Variants in SPMIP7 observed in about 807,000 individuals in gnomAD.
SPMIP7 encodes the protein protein SPMIP7.
the SPMIP7 span, among the ~76,000 whole-genome samples, chr7:50,107,362 CAAA>C: frequency 2.4e-4 from 4 of 16,654 alleles, no homozygotes; most frequent in African/African-American, 8.7e-4. Context: ...GACTCTGTCT[CAAA>C]AAAAAAAAAA....
At chr7:50,140,129 C>T in the SPMIP7 span, 13 of 1,489,132 alleles carry the variant, frequency 8.7e-6, no homozygotes, top group African/African-American at 1.7e-4. Context: ...CCTCTCTTCT[C>T]TTTTTTGAAG....
chr7:50,113,788 AT>A, the SPMIP7 span, among the ~76,000 whole-genome samples: 2 of 152,270 alleles, frequency 1.3e-5, no homozygotes, highest in East Asian at 3.9e-4. Context: ...TTCCTAACTG[AT>A]CAAAATTATA....
At chr7:50,134,506 C>G in the SPMIP7 span, among the ~76,000 whole-genome samples, 11 of 152,114 alleles carry the variant, frequency 7.2e-5, no homozygotes, top group Non-Finnish European at 1.5e-4. Context: ...TAAAGACTAC[C>G]TCTTTCTCAA....
chr7:50,098,892 A>T, the SPMIP7 span, among the ~76,000 whole-genome samples: 14 of 152,302 alleles, frequency 9.2e-5, no homozygotes, highest in African/African-American at 3.4e-4. Flanking sequence ...AACATTAAGT[A>T]GTATATTCAT....
the SPMIP7 span, chr7:50,134,199 C>T: frequency 9.7e-6 from 15 of 1,550,374 alleles, no homozygotes; most frequent in Non-Finnish European, 1.3e-5. Flanking sequence ...CCCCATCTCA[C>T]AGTGTTTTAC....
At chr7:50,108,790 GAA>G in the SPMIP7 span, among the ~76,000 whole-genome samples, 3 of 152,076 alleles carry the variant, frequency 2.0e-5, no homozygotes, top group African/African-American at 7.2e-5. Context: ...TAATTAATTA[GAA>G]AAAAGTTAAT....
the SPMIP7 span, among the ~76,000 whole-genome samples, chr7:50,099,839 G>C: frequency 3.3e-5 from 5 of 152,104 alleles, no homozygotes; most frequent in Non-Finnish European, 7.3e-5. Flanking sequence ...TCTAGATCTA[G>C]ATCTGTGGCA....
the SPMIP7 span, among the ~76,000 whole-genome samples, chr7:50,142,326 G>T: frequency 2.6e-5 from 4 of 152,186 alleles, no homozygotes; most frequent in African/African-American, 7.2e-5. Flanking sequence ...TTCAAAGAGA[G>T]TGAAGAGCAG....
At chr7:50,115,921 A>C in the SPMIP7 span, among the ~76,000 whole-genome samples, 1 of 152,170 alleles carries the variant, frequency 6.6e-6, no homozygotes, top group Non-Finnish European at 1.5e-5. Context: ...ATCTCAAGCA[A>C]GTATGTCCTC....
the SPMIP7 span, among the ~76,000 whole-genome samples, chr7:50,136,814 T>C: frequency 6.6e-6 from 1 of 152,170 alleles, no homozygotes; most frequent in African/African-American, 2.4e-5. Context: ...TTTTTGCTCG[T>C]AACACAACCC....
At chr7:50,095,910 A>G in the SPMIP7 span, 65 of 464,012 alleles carry the variant, frequency 1.4e-4, no homozygotes, top group Non-Finnish European at 2.2e-4. Context: ...TTGGTGGAGG[A>G]AAATATTTGC....
At chr7:50,124,862 G>C in the SPMIP7 span, among the ~76,000 whole-genome samples, 5 of 152,056 alleles carry the variant, frequency 3.3e-5, no homozygotes, top group African/African-American at 1.2e-4. Context: ...ACTTTGGGAG[G>C]CCAAGTTGGG....
the SPMIP7 span, among the ~76,000 whole-genome samples, chr7:50,121,756 C>A: frequency 6.6e-6 from 1 of 152,054 alleles, no homozygotes; most frequent in Non-Finnish European, 1.5e-5. Context: ...CAGGTTCAAG[C>A]AATTCTCCTG....
chr7:50,126,407 C>G, the SPMIP7 span, among the ~76,000 whole-genome samples: 1 of 151,334 alleles, frequency 6.6e-6, no homozygotes, highest in Non-Finnish European at 1.5e-5. Context: ...AGACTTACCA[C>G]AGTGAAAACT....
chr7:50,123,583 A>T, the SPMIP7 span, among the ~76,000 whole-genome samples: 2 of 151,180 alleles, frequency 1.3e-5, no homozygotes, highest in Non-Finnish European at 3.0e-5. Flanking sequence ...ATAAATAAAT[A>T]AATAAATAAA....
the SPMIP7 span, among the ~76,000 whole-genome samples, chr7:50,119,505 A>C: frequency 1.3e-5 from 2 of 152,180 alleles, no homozygotes; most frequent in Non-Finnish European, 2.9e-5. Flanking sequence ...ATGCTCCAGT[A>C]AGAAACCAAA....
the SPMIP7 span, among the ~76,000 whole-genome samples, chr7:50,157,498 C>T: frequency 6.6e-6 from 1 of 152,108 alleles, no homozygotes; most frequent in East Asian, 1.9e-4. Flanking sequence ...CCTCTGCAGC[C>T]ATTTCTCACA....
chr7:50,107,213 A>T, the SPMIP7 span, among the ~76,000 whole-genome samples: 1 of 151,866 alleles, frequency 6.6e-6, no homozygotes, highest in Admixed American at 6.6e-5. Flanking sequence ...AAAGTTATCC[A>T]GGTGTGGTGG....
At chr7:50,125,277 C>T in the SPMIP7 span, among the ~76,000 whole-genome samples, 6 of 132,770 alleles carry the variant, frequency 4.5e-5, 1 homozygote, top group African/African-American at 1.5e-4. Flanking sequence ...TATATATACA[C>T]ATATATACAC....
Sources: allele counts gnomAD v4.1 joint callset (sites outside exome capture counted in the v4.1 genomes callset), GRCh38; gene constraint gnomAD v4.1.1; transcripts MANE v1.5; gene names NCBI Gene and HGNC (gene_info 2026-07-23, HGNC 2026-07-21).